The following DPF3 variants were observed in gnomAD, a reference collection of about 807,000 sequenced individuals.
DPF3 encodes the protein double PHD fingers 3.
In DPF3, 18 loss-of-function variants were observed where a neutral mutation model predicts 56.8. That is an observed-to-expected ratio of 0.32 (90% confidence interval 0.22 to 0.47). The LOEUF (loss-of-function observed/expected upper bound fraction) is 0.47. Ranked by LOEUF, DPF3 falls within the 20% of genes least tolerant of loss-of-function variation. DPF3 has a pLI of 1.00. For missense variants in DPF3, 403 were observed against 488.8 expected (o/e 0.82, Z 1.65); for synonymous variants, 188 against 180.2 (o/e 1.04, Z -0.35).
intron 1 of DPF3, among the ~76,000 whole-genome samples, chr14:72,821,001 A>G (rs1468324328): frequency 2.0e-5 from 3 of 151,958 alleles, no homozygotes; most frequent in Non-Finnish European, 4.4e-5. Context: ...GTGTGGTGGC[A>G]CATATGTTTG....
chr14:72,800,798 A>G (rs377027046), intron 1 of DPF3, among the ~76,000 whole-genome samples: 2 of 111,090 alleles, frequency 1.8e-5, no homozygotes, highest in African/African-American at 3.4e-5. Flanking sequence ...GGATGCAGGG[A>G]TGGATGCATA....
chr14:72,748,521 A>G (rs1890421276), intron 3 of DPF3, among the ~76,000 whole-genome samples: 1 of 152,208 alleles, frequency 6.6e-6, no homozygotes, highest in Non-Finnish European at 1.5e-5. Flanking sequence ...TGGCTACAGA[A>G]ATTTGCATAA....
chr14:72,687,198 T>A (rs1221381703), intron 7 of DPF3, among the ~76,000 whole-genome samples: 1 of 152,170 alleles, frequency 6.6e-6, no homozygotes, highest in Non-Finnish European at 1.5e-5. Flanking sequence ...AGCCTAACTT[T>A]GCACCAGGCA....
rs560764758 is a variant in DPF3 at position 72,858,029 on chromosome 14, G to A, written c.32+36028C>T. On this transcript the variant is annotated intron_variant, in intron 1 of 10. Transcript: ENST00000556509. The stretch of plus-strand genomic sequence containing the variant: ...AAAATCAAACCCAGGTGTAGGCCAG[G>A]TGCAGTGGCTCATGCCTGTAATCCC... 5.3e-5 allele frequency among the ~76,000 whole-genome samples: 8 copies of A among 152,076 alleles called. No individual in the cohort carries two copies. The South Asian group carries it at 1.7e-3, about 32-fold the overall frequency.
chr14:72,700,789 G>A (rs1888124744), intron 6 of DPF3, among the ~76,000 whole-genome samples: 1 of 152,182 alleles, frequency 6.6e-6, no homozygotes, highest in African/African-American at 2.4e-5. Flanking sequence ...TGTAAAACAA[G>A]GTGGATCATG....
chr14:72,621,538 C>T (rs957352809), intron 9 of DPF3, among the ~76,000 whole-genome samples: 3 of 152,138 alleles, frequency 2.0e-5, no homozygotes, highest in Admixed American at 6.5e-5. Flanking sequence ...TGCTAAAACC[C>T]GTCAGTGGGG....
chr14:72,622,127 T>A (rs1272648577), intron 9 of DPF3, among the ~76,000 whole-genome samples: 2 of 152,214 alleles, frequency 1.3e-5, no homozygotes, highest in Non-Finnish European at 2.9e-5. Context: ...CTTGAAATGA[T>A]ACACACAATT....
chr14:72,620,021 T>G, intron 9 of DPF3, 37 bp from the exon 10 acceptor site: 6 of 1,496,880 alleles, frequency 4.0e-6, no homozygotes, highest in Admixed American at 2.1e-5. Context: ...GGAGGAGAGA[T>G]TCCATTATTC....
intron 1 of DPF3, among the ~76,000 whole-genome samples, chr14:72,883,455 T>C (rs1280043787): frequency 1.3e-5 from 2 of 152,106 alleles, no homozygotes; most frequent in Admixed American, 1.3e-4. Context: ...ATCGCACTAC[T>C]GCACTCCAGC....
Position 72,614,803 on chromosome 14 carries a change from T to C in DPF3, c.*4494A>G, listed in dbSNP as rs1338826820. Among the ~76,000 whole-genome samples, 1 of 80,760 alleles carries C rather than the reference T, an allele frequency of 1.2e-5. No individual in the cohort carries two copies. The highest frequency in any genetic ancestry group is 2.5e-5 in the Non-Finnish European group (1 of 40,346). The allele number at this position is 80,760 out of a possible 152,430, so 53.0% of individuals were successfully genotyped here. ...AAAAAAAAAAAAGAGTTACAATCAC[T>C]GTTCACTCCCACCTGCTGCCCTCCA... is the stretch of plus-strand genomic sequence containing the variant. On this transcript the variant is annotated 3_prime_UTR_variant, in exon 11 of 11. Transcript: ENST00000556509.
At chr14:72,656,111 C>A (rs558295289) in intron 8 of DPF3, among the ~76,000 whole-genome samples, 4 of 152,298 alleles carry the variant, frequency 2.6e-5, no homozygotes, top group Admixed American at 2.0e-4. Flanking sequence ...ACCCCTAATT[C>A]TTTTCCCCAA....
Position 72,691,737 on chromosome 14 carries a change from AAAG to A in DPF3, c.742+1336_742+1338del, listed in dbSNP as rs200490583. On this transcript the variant is annotated intron_variant, in intron 7 of 10. Coordinates refer to ENST00000556509, the MANE Select transcript of DPF3 (RefSeq NM_001280542.3). ...AAAGACTCCGTCTCAGAAAAAAAAAAAAGAAGAAGAGGAAATGTGGACACAAAA... is the reference window on the plus strand; with the variant it reads ...AAAGACTCCGTCTCAGAAAAAAAAAAAAGAAGAGGAAATGTGGACACAAAA... Among the ~76,000 whole-genome samples, 771 of 152,094 alleles carry A rather than the reference AAAG, an allele frequency of 5.1e-3. 19 individuals carry two copies. The East Asian group carries it at 0.066, about 13-fold the overall frequency.
chr14:72,635,418 GA>G (rs898378206), intron 8 of DPF3, among the ~76,000 whole-genome samples: 1 of 152,212 alleles, frequency 6.6e-6, no homozygotes, highest in African/African-American at 2.4e-5. Context: ...CACAGATGCT[GA>G]AAATGTTCAA....
intron 1 of DPF3, among the ~76,000 whole-genome samples, chr14:72,865,810 G>C (rs1241486587): frequency 6.6e-6 from 1 of 152,210 alleles, no homozygotes; most frequent in East Asian, 1.9e-4. Context: ...CCTTTGGGAG[G>C]CAGAGGCAGG....
chr14:72,722,937 G>A (rs1000813891), intron 5 of DPF3, among the ~76,000 whole-genome samples: 1 of 151,840 alleles, frequency 6.6e-6, no homozygotes, highest in Non-Finnish European at 1.5e-5. Flanking sequence ...ATGGTCTCAA[G>A]CCTCCAGAGC....
chr14:72,888,721 G>A (rs568568025), intron 1 of DPF3, among the ~76,000 whole-genome samples: 11 of 152,286 alleles, frequency 7.2e-5, no homozygotes, highest in African/African-American at 2.2e-4. Context: ...CTGTTGGGTC[G>A]TAGCTGGGCA....
intron 8 of DPF3, among the ~76,000 whole-genome samples, chr14:72,654,740 G>A (rs186806407): frequency 1.3e-5 from 2 of 152,238 alleles, no homozygotes; most frequent in African/African-American, 4.8e-5. Flanking sequence ...ACCCCCAAAA[G>A]GTTATTCCAG....
intron 1 of DPF3, among the ~76,000 whole-genome samples, chr14:72,774,743 A>G (rs1891684595): frequency 6.6e-6 from 1 of 152,182 alleles, no homozygotes; most frequent in Non-Finnish European, 1.5e-5. Flanking sequence ...GCAAAACCAA[A>G]CTGTAATCAA....
chr14:72,819,169 T>C (rs762587636), intron 1 of DPF3, among the ~76,000 whole-genome samples: 1 of 152,212 alleles, frequency 6.6e-6, no homozygotes, highest in Non-Finnish European at 1.5e-5. Context: ...CCCATTAAAA[T>C]GGCTAAAATT....
Sources: allele counts gnomAD v4.1 joint callset (sites outside exome capture counted in the v4.1 genomes callset), GRCh38; gene constraint gnomAD v4.1.1; transcripts MANE v1.5; gene names NCBI Gene and HGNC (gene_info 2026-07-23, HGNC 2026-07-21).